The following STARD3NL variants were observed in gnomAD, a reference collection of about 807,000 sequenced individuals.
STARD3NL encodes STARD3 N-terminal-like protein.
STARD3NL carries 17 observed loss-of-function variants against 30.9 expected under a neutral mutation model. The observed-to-expected ratio is 0.55, with a 90% CI of 0.38 to 0.82. STARD3NL has a LOEUF of 0.82. Ranked by LOEUF, STARD3NL falls within the 40% of genes least tolerant of loss-of-function variation. STARD3NL has a pLI of 0.00. For missense variants in STARD3NL, 234 were observed against 277.6 expected (o/e 0.84, Z 1.12); for synonymous variants, 112 against 100.5 (o/e 1.11, Z -0.69).
chr7:38,196,431 T>C (rs1562602799), intron 1 of STARD3NL, among the ~76,000 whole-genome samples: 1 of 152,206 alleles, frequency 6.6e-6, no homozygotes, highest in South Asian at 2.1e-4. Flanking sequence ...CTGTGATTCA[T>C]TATGTGTTTT....
At chr7:38,224,561 T>C (rs1474629597) in intron 7 of STARD3NL, among the ~76,000 whole-genome samples, 4 of 152,146 alleles carry the variant, frequency 2.6e-5, no homozygotes, top group African/African-American at 9.7e-5. Flanking sequence ...CATGATGAAA[T>C]CCCACACTCT....
At chr7:38,189,230 A>C (rs984879043) in intron 1 of STARD3NL, among the ~76,000 whole-genome samples, 1 of 152,214 alleles carries the variant, frequency 6.6e-6, no homozygotes, top group African/African-American at 2.4e-5. Context: ...AATGAATATA[A>C]ATAACACTGG....
chr7:38,208,888 A>G (rs937870189), intron 2 of STARD3NL, among the ~76,000 whole-genome samples: 2 of 152,260 alleles, frequency 1.3e-5, no homozygotes, highest in African/African-American at 4.8e-5. Context: ...TTCATAGCAT[A>G]ATTTCAATTC....
At chr7:38,214,211 A>G in intron 2 of STARD3NL, 146 bp from the exon 3 acceptor site, 2 of 545,182 alleles carry the variant, frequency 3.7e-6, no homozygotes, top group Non-Finnish European at 6.5e-6. Flanking sequence ...GCCCTTTTCT[A>G]TTAAAATTAT....
rs144975080 is a variant in STARD3NL at position 38,186,268 on chromosome 7, C to G, written c.-59+7848C>G. Among the ~76,000 whole-genome samples, 210 of 152,294 alleles carry G rather than the reference C, an allele frequency of 1.4e-3. 4 individuals are homozygous for G. In the East Asian group the frequency reaches 0.031, roughly 22 times the overall value. On this transcript the variant is annotated intron_variant, in intron 1 of 8. Coordinates refer to ENST00000009041, the MANE Select transcript of STARD3NL (RefSeq NM_032016.4). ...TCAAAATTGGCAAAAATAATGGTAACTTCGCACTAGCCATCAGGTATTTTA... is the reference window on the plus strand; with the variant it reads ...TCAAAATTGGCAAAAATAATGGTAAGTTCGCACTAGCCATCAGGTATTTTA...
chr7:38,200,768 A>G (rs1388099144), intron 1 of STARD3NL, among the ~76,000 whole-genome samples: 2 of 152,130 alleles, frequency 1.3e-5, no homozygotes, highest in Non-Finnish European at 2.9e-5. Context: ...TAGATTATCA[A>G]TCAGCAGTAA....
intron 7 of STARD3NL, among the ~76,000 whole-genome samples, chr7:38,225,722 T>C (rs1786721672): frequency 6.7e-6 from 1 of 150,308 alleles, no homozygotes; most frequent in Non-Finnish European, 1.5e-5. Context: ...GATTTGATAC[T>C]TTTTTTTTCT....
chr7:38,207,474 TG>T lies in STARD3NL; in HGVS notation c.-29del. The T allele has an allele frequency of 6.2e-7, 1 of 1,601,750 alleles. No homozygotes were observed. Among genetic ancestry groups the T allele is most frequent in the Non-Finnish European group, 8.5e-7 (1 of 1,171,004 alleles). ...GTCTTCTCTTTAGGGATGGTGAGGT[TG>T]GAAAAAGGCTCCTGTAACCCTCCTC... On this transcript the variant is annotated 5_prime_UTR_variant, in exon 2 of 9. Coordinates refer to ENST00000009041, the MANE Select transcript of STARD3NL (RefSeq NM_032016.4).
chr7:38,195,081 T>C (rs1261883771), intron 1 of STARD3NL, among the ~76,000 whole-genome samples: 1 of 152,144 alleles, frequency 6.6e-6, no homozygotes. Flanking sequence ...ATATTTGGAC[T>C]GAGTCTTGCT....
chr7:38,187,350 A>G (rs1376628817), intron 1 of STARD3NL, among the ~76,000 whole-genome samples: 1 of 152,216 alleles, frequency 6.6e-6, no homozygotes, highest in African/African-American at 2.4e-5. Context: ...ACCAAGCAAC[A>G]GTCCTAGTGG....
intron 1 of STARD3NL, among the ~76,000 whole-genome samples, chr7:38,191,957 G>T (rs1205538557): frequency 6.6e-6 from 1 of 151,446 alleles, no homozygotes; most frequent in African/African-American, 2.4e-5. Context: ...AGTTGAATCT[G>T]TAGATCAGTT....
chr7:38,222,263 G>A (rs1212019924), intron 7 of STARD3NL, among the ~76,000 whole-genome samples: 1 of 152,048 alleles, frequency 6.6e-6, no homozygotes, highest in Non-Finnish European at 1.5e-5. Context: ...CAGTGTACTG[G>A]AGGAACTCCA....
At chr7:38,186,532 G>A (rs1271034357) in intron 1 of STARD3NL, among the ~76,000 whole-genome samples, 2 of 152,170 alleles carry the variant, frequency 1.3e-5, no homozygotes, top group South Asian at 2.1e-4. Flanking sequence ...GCCATGTGCT[G>A]CATAACAACA....
In STARD3NL at chr7:38,219,621, T is replaced by C. The variant is rs1205898814; in HGVS notation, c.610T>C (p.Ser204Pro). 6 of 1,613,050 alleles carry C rather than the reference T, an allele frequency of 3.7e-6. No individual in the cohort carries two copies. Among genetic ancestry groups the C allele is most frequent in the African/African-American group, 2.7e-5 (2 of 74,856 alleles). Residue 204 changes from serine to proline, a missense_variant, in exon 7 of 9, where the codon TCT (serine) becomes CCT (proline). Coordinates refer to ENST00000009041, the MANE Select transcript of STARD3NL (RefSeq NM_032016.4). ...ERAALIPGGL[S>P]DGQFYSPPES... ...GGCAGCACTTATACCTGGTGGTCTT[T>C]CTGATGGTCAGTTTTATTCCCCTCC...
chr7:38,194,730 T>C (rs1267107870), intron 1 of STARD3NL, among the ~76,000 whole-genome samples: 2 of 152,180 alleles, frequency 1.3e-5, no homozygotes, highest in Non-Finnish European at 2.9e-5. Context: ...GAGTTCCTTA[T>C]TGCAAGATTT....
At chr7:38,226,326 G>A (rs886879991) in intron 7 of STARD3NL, among the ~76,000 whole-genome samples, 1 of 151,900 alleles carries the variant, frequency 6.6e-6, no homozygotes, top group South Asian at 2.1e-4. Context: ...ATGTGTGGCT[G>A]CTTCTGTTTT....
chr7:38,222,340 C>A (rs1462433186), intron 7 of STARD3NL, among the ~76,000 whole-genome samples: 1 of 152,066 alleles, frequency 6.6e-6, no homozygotes, highest in African/African-American at 2.4e-5. Flanking sequence ...AAACATAGAG[C>A]TAGATGAAAT....
At chr7:38,204,128 A>G (rs1785325372) in intron 1 of STARD3NL, among the ~76,000 whole-genome samples, 1 of 152,230 alleles carries the variant, frequency 6.6e-6, no homozygotes, top group Non-Finnish European at 1.5e-5. Context: ...CTCTGCACCA[A>G]GCAAACCTAA....
chr7:38,220,977 A>T (rs1786428506), intron 7 of STARD3NL, among the ~76,000 whole-genome samples: 2 of 150,532 alleles, frequency 1.3e-5, no homozygotes, highest in South Asian at 2.1e-4. Context: ...AGAAAAGAAT[A>T]GAATTCTGAC....
Sources: allele counts gnomAD v4.1 joint callset (sites outside exome capture counted in the v4.1 genomes callset), GRCh38; gene constraint gnomAD v4.1.1; transcripts MANE v1.5; gene names NCBI Gene and HGNC (gene_info 2026-07-23, HGNC 2026-07-21).